Variants in TNRC6B observed in about 807,000 individuals in gnomAD.
The protein encoded by TNRC6B is trinucleotide repeat containing adaptor 6B, also known as trinucleotide repeat-containing gene 6B protein.
A neutral mutation model predicts 203.6 loss-of-function variants in TNRC6B; 52 were observed. The observed-to-expected ratio is 0.26, with a 90% CI of 0.20 to 0.32. TNRC6B has a LOEUF of 0.32. Among genes scored for constraint, TNRC6B ranks in the 10% least tolerant of loss-of-function variants. TNRC6B has a pLI of 1.00. For missense variants in TNRC6B, 1,923 were observed against 2,286.2 expected (o/e 0.84, Z 3.24); for synonymous variants, 838 against 845.7 (o/e 0.99, Z 0.16).
intron 4 of TNRC6B, among the ~76,000 whole-genome samples, chr22:40,165,784 A>G (rs553126423): frequency 6.6e-6 from 1 of 152,184 alleles, no homozygotes; most frequent in Admixed American, 6.5e-5. Flanking sequence ...TAACCATCAC[A>G]TCTCATGAGA....
intron 4 of TNRC6B, among the ~76,000 whole-genome samples, chr22:40,169,878 CTATT>C (rs769603198): frequency 6.6e-6 from 1 of 152,064 alleles, no homozygotes; most frequent in Non-Finnish European, 1.5e-5. Flanking sequence ...GTGGATTTAT[CTATT>C]TATTTTTGCT....
chr22:40,093,770 C>G (rs1484520641), intron 1 of TNRC6B, among the ~76,000 whole-genome samples: 2 of 152,112 alleles, frequency 1.3e-5, no homozygotes, highest in Non-Finnish European at 2.9e-5. Flanking sequence ...AGCTGTACTG[C>G]TAGTGAACTG....
intron 15 of TNRC6B, 81 bp from the exon 16 acceptor site, chr22:40,308,431 T>C (rs761023711): frequency 3.4e-4 from 516 of 1,510,448 alleles, no homozygotes; most frequent in Middle Eastern, 2.4e-3. Flanking sequence ...TGAATGACAC[T>C]TGAAGGCATT....
rs1014760243 is a variant in TNRC6B at position 40,332,972 on chromosome 22, C to G, written c.*9731C>G. On this transcript the variant is annotated 3_prime_UTR_variant, in exon 23 of 23. Transcript: ENST00000454349. ...TTTAAGAAGAAAGAGCAGAGGAGGT[C>G]GGGGGAGCCGGTTTGCATTTGTGTT... The G allele has an allele frequency of 6.6e-6, 1 of 152,254 alleles. No homozygotes were observed. Among genetic ancestry groups the G allele is most frequent in the African/African-American group, 2.4e-5 (1 of 41,398 alleles). 9.4% of individuals were successfully genotyped at this position (152,254 alleles called of 1,614,324 possible).
At chr22:40,275,889 G>A (rs1377296103) in intron 7 of TNRC6B, among the ~76,000 whole-genome samples, 1 of 151,358 alleles carries the variant, frequency 6.6e-6, no homozygotes, top group Non-Finnish European at 1.5e-5. Flanking sequence ...AACCCAGGAG[G>A]TAGAGGTTGC....
chr22:40,301,496 T>G, intron 15 of TNRC6B, 163 bp downstream of exon 15: 1 of 768,060 alleles, frequency 1.3e-6, no homozygotes, highest in South Asian at 2.0e-5. Context: ...TTCTTGAGTT[T>G]CAGTGGGTTT....
intron 9 of TNRC6B, among the ~76,000 whole-genome samples, chr22:40,279,615 T>A (rs2070697582): frequency 6.6e-6 from 1 of 152,162 alleles, no homozygotes; most frequent in African/African-American, 2.4e-5. Flanking sequence ...AGACAACTTC[T>A]CTCCCTGAGG....
intron 6 of TNRC6B, 125 bp from the exon 7 acceptor site, chr22:40,273,300 C>A: frequency 1.2e-6 from 1 of 858,202 alleles, no homozygotes; most frequent in Non-Finnish European, 1.7e-6. Flanking sequence ...TAATATTTGT[C>A]TTGCCATGGA....
chr22:40,295,415 A>G (rs2070925424), intron 12 of TNRC6B, among the ~76,000 whole-genome samples: 1 of 151,058 alleles, frequency 6.6e-6, no homozygotes, highest in Non-Finnish European at 1.5e-5. Context: ...TGGAGATTGC[A>G]GTGAGCTGAG....
intron 1 of TNRC6B, among the ~76,000 whole-genome samples, chr22:40,241,681 T>C (rs777683338): frequency 6.6e-6 from 1 of 152,256 alleles, no homozygotes; most frequent in Admixed American, 6.5e-5. Flanking sequence ...ATTACTTGAT[T>C]AAGGTGGTAT....
upstream of TNRC6B, among the ~76,000 whole-genome samples, chr22:40,174,961 G>T (rs1443060450): frequency 6.6e-6 from 1 of 152,040 alleles, no homozygotes; most frequent in Non-Finnish European, 1.5e-5. Flanking sequence ...ACACAAGGGA[G>T]AAATAATGTA....
chr22:40,164,868 G>A (rs1249041923), intron 4 of TNRC6B, among the ~76,000 whole-genome samples: 2 of 140,162 alleles, frequency 1.4e-5, no homozygotes, highest in Non-Finnish European at 3.0e-5. Flanking sequence ...TGCAACCTCC[G>A]CCTCCAGGGT....
intron 3 of TNRC6B, among the ~76,000 whole-genome samples, chr22:40,136,560 G>A (rs1326208189): frequency 1.3e-5 from 2 of 151,630 alleles, no homozygotes; most frequent in Admixed American, 6.6e-5. Flanking sequence ...CCACCACACC[G>A]AGCTAAATTT....
At chr22:40,224,285 G>A (rs995040619) in intron 1 of TNRC6B, among the ~76,000 whole-genome samples, 2 of 152,134 alleles carry the variant, frequency 1.3e-5, no homozygotes, top group South Asian at 4.1e-4. Context: ...GATTATAGGC[G>A]TGAACCACCA....
In TNRC6B at chr22:40,317,306, G is replaced by A. The variant is rs192854359; in HGVS notation, c.4974+1294G>A. Among the ~76,000 whole-genome samples the A allele has an allele frequency of 2.0e-4, 31 of 152,252 alleles. No homozygotes were observed. The East Asian group carries it at 4.6e-3, about 23-fold the overall frequency. The stretch of plus-strand genomic sequence containing the variant: ...TTATAAATGCTACATGGGGCCAGTC[G>A]CAGTGGCTCACGCCTGTAATCCCAG... On this transcript the variant is annotated intron_variant, in intron 21 of 22. Coordinates refer to ENST00000454349, the MANE Select transcript of TNRC6B (RefSeq NM_001162501.2).
In TNRC6B at chr22:40,299,767, T is replaced by C. The variant is rs536552296; in HGVS notation, c.3709-688T>C. On this transcript the variant is annotated intron_variant, in intron 12 of 22. Transcript: ENST00000454349. ...TTCTCCATGGCCCCAACTAGTCCAG[T>C]GGGTTCAGTAGATGAGGGTGCAGGG... Among the ~76,000 whole-genome samples, 60 of 152,272 alleles carry C rather than the reference T, an allele frequency of 3.9e-4. No individual in the cohort carries two copies. In the South Asian group the frequency reaches 4.1e-3, roughly 11 times the overall value.
At chr22:40,233,142 CAAAAAAAAA>C (rs929600094) in intron 1 of TNRC6B, among the ~76,000 whole-genome samples, 7 of 148,626 alleles carry the variant, frequency 4.7e-5, no homozygotes, top group African/African-American at 1.7e-4. Context: ...GATTCCGTCT[CAAAAAAAAA>C]GAAAAAAAGA....
intron 4 of TNRC6B, among the ~76,000 whole-genome samples, chr22:40,163,807 G>A (rs1431985130): frequency 1.3e-5 from 2 of 151,780 alleles, no homozygotes; most frequent in East Asian, 1.9e-4. Flanking sequence ...AATAGATAAT[G>A]TGTTTCACAA....
intron 3 of TNRC6B, among the ~76,000 whole-genome samples, chr22:40,135,730 T>A (rs2068594022): frequency 6.6e-6 from 1 of 152,150 alleles, no homozygotes; most frequent in Non-Finnish European, 1.5e-5. Context: ...CTCAAACTTC[T>A]GACTCAAGTG....
Sources: allele counts gnomAD v4.1 joint callset (sites outside exome capture counted in the v4.1 genomes callset), GRCh38; gene constraint gnomAD v4.1.1; transcripts MANE v1.5; gene names NCBI Gene and HGNC (gene_info 2026-07-23, HGNC 2026-07-21).